The following CRTC3 variants were observed in gnomAD, a reference collection of about 807,000 sequenced individuals.
CRTC3 encodes the protein CREB regulated transcription coactivator 3, also known as CREB-regulated transcription coactivator 3.
In CRTC3, 26 loss-of-function variants were observed where a neutral mutation model predicts 74.5. That is an observed-to-expected ratio of 0.35 (90% CI 0.26 to 0.48). The LOEUF is 0.48. Ranked by LOEUF, CRTC3 falls within the 20% of genes least tolerant of loss-of-function variation. The pLI is 0.99. For synonymous variants in CRTC3, 377 were observed against 325.8 expected, an observed-to-expected ratio of 1.16 and a Z score of -1.69; for missense variants, 760 against 787.3, an observed-to-expected ratio of 0.97 and a Z score of 0.41.
intron 2 of CRTC3, among the ~76,000 whole-genome samples, chr15:90,587,667 G>A (rs895111138): frequency 1.3e-5 from 2 of 152,158 alleles, no homozygotes; most frequent in Non-Finnish European, 2.9e-5. Context: ...AGTCTGGAGT[G>A]TAGTGGCAGG....
intron 2 of CRTC3, among the ~76,000 whole-genome samples, chr15:90,579,509 A>G (rs1967485132): frequency 6.6e-6 from 1 of 152,150 alleles, no homozygotes; most frequent in Admixed American, 6.5e-5. Flanking sequence ...TTATTGTGTC[A>G]TAGGCAAAAG....
In CRTC3 at chr15:90,529,983, G is replaced by A. The variant is rs1416180663; in HGVS notation, c.-89G>A. 4.9e-6 allele frequency: 5 copies of A among 1,027,554 alleles called. No homozygotes were observed. The African/African-American group carries it at 6.9e-5, about 14-fold the overall frequency. 63.7% of individuals were successfully genotyped at this position (1,027,554 alleles called of 1,614,324 possible). A position where few individuals can be genotyped will look rare whatever the true frequency, so the allele number is the denominator to read the frequency against. On this transcript the variant is annotated 5_prime_UTR_variant, in exon 1 of 15. Transcript: ENST00000268184. ...CGCCGGACGACTGGCTTCGGGCGGC[G>A]GCCCCGGCGGCCTGTGGACGGACGG...
intron 7 of CRTC3, 111 bp downstream of exon 7, chr15:90,614,599 T>G (rs1968441865): frequency 1.4e-6 from 1 of 718,372 alleles, no homozygotes; most frequent in Non-Finnish European, 2.4e-6. Flanking sequence ...CCCCAAATGC[T>G]GACAACTGCT....
chr15:90,613,124 A>G (rs542181474), intron 6 of CRTC3, among the ~76,000 whole-genome samples: 2 of 117,432 alleles, frequency 1.7e-5, no homozygotes, highest in African/African-American at 7.4e-5. Context: ...TGGAGGTTGC[A>G]GTGAGCCAAG....
chr15:90,586,362 CTTTTTTTTTTTT>C (rs55985691), intron 2 of CRTC3, among the ~76,000 whole-genome samples: 1 of 81,266 alleles, frequency 1.2e-5, no homozygotes, highest in African/African-American at 5.0e-5. Context: ...GGTAGAACTT[CTTTTTTTTTTTT>C]TTTTTTTTTT....
In CRTC3 at chr15:90,604,545, A is replaced by G. The variant is rs887906762; in HGVS notation, c.476+98A>G. On this transcript the variant is annotated intron_variant, in intron 5 of 14. Coordinates refer to ENST00000268184, the MANE Select transcript of CRTC3 (RefSeq NM_022769.5). ...CCAGTTGCCAGAGTGTGTTTATGTA[A>G]GCTGTGTTGATATGACATGTTCAAA... 7 of 943,780 alleles carry G rather than the reference A, an allele frequency of 7.4e-6. No homozygotes were observed. In the African/African-American group the frequency reaches 1.1e-4, roughly 15 times the overall value. The allele number at this position is 943,780 out of a possible 1,614,324, so 58.5% of individuals were successfully genotyped here. A position where few individuals can be genotyped will look rare whatever the true frequency, so the allele number is the denominator to read the frequency against.
At chr15:90,608,662 T>G (rs1424362840) in intron 6 of CRTC3, among the ~76,000 whole-genome samples, 10 of 152,196 alleles carry the variant, frequency 6.6e-5, no homozygotes, top group Non-Finnish European at 2.9e-5. Flanking sequence ...AGTGTAGATT[T>G]CTTGAAGGCA....
intron 11 of CRTC3, chr15:90,638,106 CT>C: frequency 2.2e-5 from 6 of 274,614 alleles, no homozygotes; most frequent in Non-Finnish European, 3.5e-5. Flanking sequence ...AGCTAAGGGC[CT>C]TTTTCAATTT....
intron 2 of CRTC3, among the ~76,000 whole-genome samples, chr15:90,564,378 C>T (rs13379522): frequency 3.2e-4 from 48 of 152,306 alleles, no homozygotes; most frequent in African/African-American, 1.2e-3. Context: ...TTGGTAGTAG[C>T]TGCTCCTTTG....
In CRTC3 at chr15:90,607,361, T is replaced by C. The variant is rs1339060177; in HGVS notation, c.477-17T>C. ...GGAAAACGGATTTTCAGCCAGCCTCTCTCCTCCCCTCCTTAGGACCAATTC... is the reference window on the plus strand; with the variant it reads ...GGAAAACGGATTTTCAGCCAGCCTCCCTCCTCCCCTCCTTAGGACCAATTC... On this transcript the variant is annotated splice_polypyrimidine_tract_variant and intron_variant, in intron 5 of 14. Coordinates refer to ENST00000268184, the MANE Select transcript of CRTC3 (RefSeq NM_022769.5). 6.6e-7 allele frequency: 1 copy of C among 1,525,928 alleles called. No individual in the cohort carries two copies. Among genetic ancestry groups the C allele is most frequent in the Middle Eastern group, 1.7e-4 (1 of 5,856 alleles). 94.5% of individuals were successfully genotyped at this position (1,525,928 alleles called of 1,614,324 possible).
intron 9 of CRTC3, 69 bp downstream of exon 9, chr15:90,619,859 T>G: frequency 7.5e-7 from 1 of 1,325,210 alleles, no homozygotes. Flanking sequence ...GTCTCGCTGC[T>G]TTGTTACAGA....
At chr15:90,576,014 A>G (rs1004131860) in intron 2 of CRTC3, among the ~76,000 whole-genome samples, 6 of 152,210 alleles carry the variant, frequency 3.9e-5, no homozygotes, top group African/African-American at 1.4e-4. Context: ...AAACAAGATT[A>G]GAGACAAAAA....
chr15:90,545,795 G>C lies in CRTC3; in HGVS notation c.231+5658G>C, dbSNP rs559103595. Reference sequence around the variant, plus strand: ...GGGTTTCACTGTGTTAGCCAGGATGGTCTCCATCTCCTGACTTTGTGATCC... The same window carrying C: ...GGGTTTCACTGTGTTAGCCAGGATGCTCTCCATCTCCTGACTTTGTGATCC... On this transcript the variant is annotated intron_variant, in intron 2 of 14. Coordinates refer to ENST00000268184, the MANE Select transcript of CRTC3 (RefSeq NM_022769.5). Among the ~76,000 whole-genome samples the C allele has an allele frequency of 1.5e-3, 234 of 152,022 alleles. 1 individual carries two copies. The highest frequency in any genetic ancestry group is 3.7e-3 in the African/African-American group (153 of 41,486).
intron 2 of CRTC3, among the ~76,000 whole-genome samples, chr15:90,584,215 A>G (rs940145409): frequency 1.3e-4 from 19 of 149,882 alleles, no homozygotes; most frequent in Non-Finnish European, 2.4e-4. Context: ...TAAACTTGAT[A>G]AATTTCCACT....
At chr15:90,602,568 C>T (rs4932352) in intron 4 of CRTC3, among the ~76,000 whole-genome samples, 183 bp downstream of exon 4, 100,549 of 151,934 alleles carry the variant, frequency 0.66, 33,785 homozygotes, top group South Asian at 0.77. Context: ...CTGTTGTGTG[C>T]GATGATGGGG....
At chr15:90,603,376 G>A (rs1462772528) in intron 4 of CRTC3, among the ~76,000 whole-genome samples, 1 of 151,764 alleles carries the variant, frequency 6.6e-6, no homozygotes, top group East Asian at 1.9e-4. Flanking sequence ...CCAGGAGGCG[G>A]AGCTTGCAGT....
At chr15:90,616,748 C>T (rs1484301498) in intron 7 of CRTC3, among the ~76,000 whole-genome samples, 1 of 152,212 alleles carries the variant, frequency 6.6e-6, no homozygotes, top group Non-Finnish European at 1.5e-5. Flanking sequence ...TTTTACCTGG[C>T]ACGACTGAGA....
intron 2 of CRTC3, among the ~76,000 whole-genome samples, chr15:90,588,016 G>A (rs928643636): frequency 6.6e-6 from 1 of 151,772 alleles, no homozygotes; most frequent in Admixed American, 6.5e-5. Flanking sequence ...GGGAGGCCGA[G>A]GGGGGTGGAT....
intron 2 of CRTC3, among the ~76,000 whole-genome samples, chr15:90,571,547 G>T (rs1967265442): frequency 6.6e-6 from 1 of 152,180 alleles, no homozygotes; most frequent in Non-Finnish European, 1.5e-5. Context: ...TTCTTATTAA[G>T]GAATTTGGAT....
Sources: gnomAD v4.1 joint callset for allele counts (sites outside exome capture counted in the v4.1 genomes callset) on GRCh38, gnomAD v4.1.1 for gene constraint, MANE v1.5 for transcripts, NCBI Gene and HGNC (gene_info 2026-07-23, HGNC 2026-07-21) for gene names.